The following PGA5 variants were observed in gnomAD, a reference collection of about 807,000 sequenced individuals.
PGA5 encodes pepsin A-5.
A neutral mutation model predicts 15.9 loss-of-function variants in PGA5; 19 were observed. The observed-to-expected ratio is 1.19, with a 90% CI of 0.83 to 1.75. The LOEUF is 1.75. PGA5 is among the 40% of genes most tolerant of loss of function. The pLI, the probability that PGA5 is intolerant of heterozygous loss-of-function variation, is 0.00. For missense variants in PGA5, 224 were observed against 246.4 expected (o/e 0.91, Z 0.61); for synonymous variants, 92 against 95.8 (o/e 0.96, Z 0.23).
At chr11:61,246,230 G>A (rs1854063353) in intron 5 of PGA5, 85 bp downstream of exon 5, 2 of 290,328 alleles carry the variant, frequency 6.9e-6, no homozygotes, top group Non-Finnish European at 1.3e-5. Context: ...TCCAAGGCTG[G>A]GTGCGATGGA....
At chr11:61,246,724 A>C (rs1330303292) in intron 5 of PGA5, among the ~76,000 whole-genome samples, 1 of 151,598 alleles carries the variant, frequency 6.6e-6, no homozygotes, top group African/African-American at 2.4e-5. Context: ...AGATTGTACC[A>C]CTGCATCCTA....
chr11:61,247,851 C>A (rs2508466), intron 5 of PGA5, among the ~76,000 whole-genome samples: 13,764 of 151,926 alleles, frequency 0.091, 2,004 homozygotes, highest in African/African-American at 0.29. Flanking sequence ...TTTCAGACCA[C>A]CATAATTCCT....
In PGA5 at chr11:61,249,515, C is replaced by G. The variant is rs114385527; in HGVS notation, c.774-154C>G. On this transcript the variant is annotated intron_variant, in intron 6 of 8. Coordinates refer to ENST00000312403, the MANE Select transcript of PGA5 (RefSeq NM_014224.5). ...GAAATATTTGTAGGGTAAATGAATGCGGGATGAATGAGTGCGTGAACGAGA... is the reference window on the plus strand; with the variant it reads ...GAAATATTTGTAGGGTAAATGAATGGGGGATGAATGAGTGCGTGAACGAGA... 9 of 1,380,504 alleles carry G rather than the reference C, an allele frequency of 6.5e-6. No individual in the cohort carries two copies. The Admixed American group carries it at 1.5e-4, about 23-fold the overall frequency. 85.5% of individuals were successfully genotyped at this position (1,380,504 alleles called of 1,614,324 possible).
chr11:61,250,632 C>T lies in PGA5; in HGVS notation c.1018-500C>T, dbSNP rs111715577. On this transcript the variant is annotated intron_variant, in intron 8 of 8. Transcript: ENST00000312403. ...AGAAGCACTGATGCCTGGGCTCCCCCACTGATTCTGATTACATTAGGAGAG... is the reference window on the plus strand; with the variant it reads ...AGAAGCACTGATGCCTGGGCTCCCCTACTGATTCTGATTACATTAGGAGAG... The T allele has an allele frequency of 2.0e-4, 91 of 460,128 alleles. 1 individual carries two copies. The highest frequency in any genetic ancestry group is 1.7e-3 in the African/African-American group (84 of 50,154). The allele number at this position is 460,128 out of a possible 1,614,324, so 28.5% of individuals were successfully genotyped here.
At chr11:61,251,016 A>G in intron 8 of PGA5, 116 bp from the exon 9 acceptor site, 1 of 1,591,852 alleles carries the variant, frequency 6.3e-7, no homozygotes, top group Non-Finnish European at 8.6e-7. Flanking sequence ...TGAGCCAGGA[A>G]GCTCCTCCTT....
At chr11:61,249,605 G>T (rs182884836) in intron 6 of PGA5, 64 bp from the exon 7 acceptor site, 3 of 1,612,968 alleles carry the variant, frequency 1.9e-6, no homozygotes, top group South Asian at 1.1e-5. Context: ...CTCACCTCCT[G>T]GTTCCTCCTT....
chr11:61,247,555 G>A (rs1453701680), intron 5 of PGA5, among the ~76,000 whole-genome samples: 1 of 152,046 alleles, frequency 6.6e-6, no homozygotes, highest in Non-Finnish European at 1.5e-5. Context: ...GGGATTACAG[G>A]CATGAGCCAC....
rs555100926 is a variant in PGA5, at chr11:61,250,366, G to T, written c.1017+352G>T. ...TTTTCGCATCCAAAAGGTAGAGATG[G>T]CAGCTTTCCCCACCCTCAGAGTGCG... On this transcript the variant is annotated intron_variant, in intron 8 of 8. Coordinates refer to ENST00000312403, the MANE Select transcript of PGA5 (RefSeq NM_014224.5). 4.6e-4 allele frequency among the ~76,000 whole-genome samples: 69 copies of T among 151,554 alleles called. 3 individuals carry two copies. Among genetic ancestry groups the T allele is most frequent in the African/African-American group, 1.7e-3 (68 of 40,924 alleles).
intron 6 of PGA5, chr11:61,249,408 G>A (rs987458067): frequency 1.6e-5 from 10 of 640,434 alleles, no homozygotes; most frequent in Middle Eastern, 4.3e-4. Flanking sequence ...CAGCTAGGCC[G>A]GGAGCTCCCT....
At position 61,251,187 on chromosome 11, in the gene PGA5, G is replaced by C. The variant is rs527986409; in HGVS notation, c.1073G>C (p.Gly358Ala). The change falls in exon 9 of 9, where the codon GGA becomes GCA. Residue 358 changes from glycine (G) to alanine (A), a missense_variant. Transcript: ENST00000312403. ...FQGMNVPTES[G>A]ELWILGDVFI... ...GGCATGAACGTCCCCACCGAATCTG[G>C]AGAGCTTTGGATCCTGGGTGATGTC... 6.2e-7 allele frequency: 1 copy of C among 1,611,854 alleles called. No homozygotes were observed. The highest frequency in any genetic ancestry group is 8.5e-7 in the Non-Finnish European group (1 of 1,179,866).
In PGA5 at chr11:61,248,139, C is replaced by T; in HGVS notation, c.657-280C>T. The T allele has an allele frequency of 5.5e-6, 4 of 732,166 alleles. No individual in the cohort carries two copies. In the South Asian group the frequency reaches 6.1e-5, roughly 11 times the overall value. The allele number at this position is 732,166 out of a possible 1,614,324, so 45.4% of individuals were successfully genotyped here. ...AAACCACACATTCAAACTATAAGGC[C>T]TGTGTTCTTCCAAACGTAGTTCCAC... On this transcript the variant is annotated intron_variant, in intron 5 of 8. Coordinates refer to ENST00000312403, the MANE Select transcript of PGA5 (RefSeq NM_014224.5).
rs144694629 is a variant in PGA5 at position 61,249,280 on chromosome 11, T to A, written c.774-389T>A. On this transcript the variant is annotated intron_variant, in intron 6 of 8. Coordinates refer to ENST00000312403, the MANE Select transcript of PGA5 (RefSeq NM_014224.5). ...TCTCTCTTCACCTGCCTGGCATTCC[T>A]GGGTGTCTGTTCCCCTGGCTGCTCC... 5.6e-4 allele frequency: 212 copies of A among 379,714 alleles called. 3 individuals carry two copies. Among genetic ancestry groups the A allele is most frequent in the Admixed American group, 1.8e-3 (47 of 26,380 alleles). The allele number at this position is 379,714 out of a possible 1,614,324, so 23.5% of individuals were successfully genotyped here.
At chr11:61,248,298 TCAC>T in intron 5 of PGA5, 118 bp from the exon 6 acceptor site, 1 of 1,610,894 alleles carries the variant, frequency 6.2e-7, no homozygotes. Context: ...ACCACATTGG[TCAC>T]ACCCCAGGAC....
chr11:61,251,014 G>A, intron 8 of PGA5, 118 bp from the exon 9 acceptor site: 1 of 1,593,430 alleles, frequency 6.3e-7, no homozygotes, highest in Non-Finnish European at 8.6e-7. Flanking sequence ...ACTGAGCCAG[G>A]AAGCTCCTCC....
At position 61,248,173 on chromosome 11, in the gene PGA5, C is replaced by G. The variant is rs184424030; in HGVS notation, c.657-246C>G. The G allele has an allele frequency of 7.4e-4, 632 of 855,966 alleles. 4 individuals carry two copies. Among genetic ancestry groups the G allele is most frequent in the Non-Finnish European group, 1.1e-3 (576 of 504,426 alleles). 53.0% of individuals were successfully genotyped at this position (855,966 alleles called of 1,614,324 possible). Reference sequence around the variant, plus strand: ...TCCAAACGTAGTTCCACCACTCCCCCGCTGTGTGACCTTGGGCAGGTGGCC... The same window carrying G: ...TCCAAACGTAGTTCCACCACTCCCCGGCTGTGTGACCTTGGGCAGGTGGCC... On this transcript the variant is annotated intron_variant, in intron 5 of 8. Coordinates refer to ENST00000312403, the MANE Select transcript of PGA5 (RefSeq NM_014224.5).
At chr11:61,245,723 C>G (rs1276659324) in intron 4 of PGA5, 1 of 34,266 alleles carries the variant, frequency 2.9e-5, no homozygotes, top group African/African-American at 5.5e-4. Flanking sequence ...AAAATCTCAC[C>G]CTGAGTCATA....
intron 5 of PGA5, among the ~76,000 whole-genome samples, chr11:61,246,417 T>C (rs185375079): frequency 4.5e-4 from 68 of 151,910 alleles, no homozygotes; most frequent in Non-Finnish European, 7.2e-4. Context: ...ATTTGCCCCT[T>C]AGTGCCACTT....
At position 61,249,761 on chromosome 11, in the gene PGA5, C is replaced by T. The variant is rs1387079895; in HGVS notation, c.866C>T (p.Pro289Leu). 1 of 1,613,496 alleles carries T rather than the reference C, an allele frequency of 6.2e-7. No individual in the cohort carries two copies. The highest frequency in any genetic ancestry group is 1.3e-5 in the African/African-American group (1 of 74,634). Reference sequence around the variant, plus strand: ...TCTCTGCTGACCGGCCCAACCAGCCCCATTGCCAACATCCAGAGCGACATC... The same window carrying T: ...TCTCTGCTGACCGGCCCAACCAGCCTCATTGCCAACATCCAGAGCGACATC... ...GTSLLTGPTS[P>L]IANIQSDIGA... Residue 289 changes from proline (P) to leucine (L), a missense_variant, in exon 7 of 9, where the codon CCC becomes CTC. Transcript: ENST00000312403.
chr11:61,250,080 G>A, intron 8 of PGA5, 66 bp downstream of exon 8: 1 of 1,570,318 alleles, frequency 6.4e-7, no homozygotes. Context: ...GTCCCCTTCT[G>A]CAGAGGGAAA....
Sources: allele counts gnomAD v4.1 joint callset (sites outside exome capture counted in the v4.1 genomes callset), GRCh38; gene constraint gnomAD v4.1.1; transcripts MANE v1.5; gene names NCBI Gene and HGNC (gene_info 2026-07-23, HGNC 2026-07-21).